ZFAND3: variants seen among roughly 807,000 people sequenced by gnomAD.
ZFAND3 encodes the protein AN1-type zinc finger protein 3.
In ZFAND3, 10 loss-of-function variants were observed where a neutral mutation model predicts 29.6. The ratio of observed to expected loss-of-function variants is 0.34; its 90% CI spans 0.21 to 0.57. The LOEUF (loss-of-function observed/expected upper bound fraction) is 0.57, where lower values mean the gene tolerates loss of function less well. Ranked by LOEUF, ZFAND3 falls within the 20% of genes least tolerant of loss-of-function variation. The probability of loss-of-function intolerance (pLI) is 0.86; values close to 1 mark genes in which losing one functional copy is unlikely to be tolerated. For synonymous variants in ZFAND3, 128 were observed against 112.6 expected (o/e 1.14, Z -0.87); for missense variants, 230 against 304.5 (o/e 0.76, Z 1.82).
chr6:38,144,186 T>TATATATATATATATATATATA (rs1766027816), intron 5 of ZFAND3, among the ~76,000 whole-genome samples: 2 of 19,694 alleles, frequency 1.0e-4, no homozygotes. Context: ...ATATATATAA[T>TATATATATATATATATATATA]ATATATATAT....
At chr6:38,140,223 G>C in intron 5 of ZFAND3, among the ~76,000 whole-genome samples, 1 of 152,180 alleles carries the variant, frequency 6.6e-6, no homozygotes, top group Non-Finnish European at 1.5e-5. Context: ...GGGGCAGAGA[G>C]ATAAATTTCA....
chr6:37,845,035 A>G (rs1204776338), intron 1 of ZFAND3, among the ~76,000 whole-genome samples: 1 of 151,976 alleles, frequency 6.6e-6, no homozygotes, highest in Non-Finnish European at 1.5e-5. Flanking sequence ...AAAAAAAAAA[A>G]AAAAGCAATT....
chr6:38,133,667 G>A (rs942866127), intron 5 of ZFAND3, among the ~76,000 whole-genome samples: 14 of 151,678 alleles, frequency 9.2e-5, no homozygotes, highest in Admixed American at 9.2e-4. Flanking sequence ...GGAGAATGGC[G>A]TGAACCCGGG....
At chr6:37,851,888 G>T (rs1764288070) in intron 1 of ZFAND3, among the ~76,000 whole-genome samples, 1 of 152,196 alleles carries the variant, frequency 6.6e-6, no homozygotes, top group Admixed American at 6.5e-5. Flanking sequence ...CTCAATTTCT[G>T]TTGTTGTTTT....
chr6:37,872,845 G>T (rs1056779466), intron 1 of ZFAND3, among the ~76,000 whole-genome samples: 5 of 152,172 alleles, frequency 3.3e-5, no homozygotes, highest in Admixed American at 3.3e-4. Flanking sequence ...ATTCTTTTAC[G>T]TGTCTTTTGG....
chr6:38,009,376 A>G (rs1379880606), intron 2 of ZFAND3, among the ~76,000 whole-genome samples: 11 of 152,058 alleles, frequency 7.2e-5, no homozygotes, highest in Admixed American at 7.2e-4. Flanking sequence ...TCTTCTTTCT[A>G]CTGACCAGCA....
Position 38,100,726 on chromosome 6 carries a change from T to C in ZFAND3, c.362-15846T>C, listed in dbSNP as rs1003270745. 4.6e-5 allele frequency among the ~76,000 whole-genome samples: 7 copies of C among 152,350 alleles called. No homozygotes were observed. In the South Asian group the frequency reaches 8.3e-4, roughly 18 times the overall value. On this transcript the variant is annotated intron_variant, in intron 4 of 5. Transcript: ENST00000287218. ...GGATAGCTGCTCTGGAATATAGTTATGGATTTTTCTTTTTTTAACATAATT... is the reference window on the plus strand; with the variant it reads ...GGATAGCTGCTCTGGAATATAGTTACGGATTTTTCTTTTTTTAACATAATT...
At chr6:38,045,057 T>TA (rs376389779) in intron 2 of ZFAND3, among the ~76,000 whole-genome samples, 8 of 99,356 alleles carry the variant, frequency 8.1e-5, no homozygotes, top group African/African-American at 2.8e-4. Flanking sequence ...GAAATTCTTT[T>TA]ATTTATTTAT....
chr6:37,905,765 G>A (rs1561929024), intron 1 of ZFAND3, among the ~76,000 whole-genome samples: 1 of 151,896 alleles, frequency 6.6e-6, no homozygotes, highest in Non-Finnish European at 1.5e-5. Context: ...ATTTCTCTTA[G>A]CCATGGTTTC....
chr6:38,039,424 C>T (rs935874114), intron 2 of ZFAND3, among the ~76,000 whole-genome samples: 11 of 152,130 alleles, frequency 7.2e-5, no homozygotes, highest in African/African-American at 2.7e-4. Context: ...CTTTTCTATA[C>T]ACATTTGTGT....
intron 2 of ZFAND3, among the ~76,000 whole-genome samples, chr6:38,021,496 T>C (rs567965081): frequency 1.3e-5 from 2 of 152,196 alleles, no homozygotes; most frequent in South Asian, 4.1e-4. Flanking sequence ...TTTCATTGAC[T>C]AGGGAAAGTA....
intron 2 of ZFAND3, among the ~76,000 whole-genome samples, chr6:38,027,678 C>T (rs544460486): frequency 1.3e-5 from 2 of 152,214 alleles, no homozygotes; most frequent in East Asian, 3.9e-4. Context: ...CTGGCTGCCT[C>T]GGTAGGTATA....
chr6:38,044,490 A>C (rs868670461), intron 2 of ZFAND3, among the ~76,000 whole-genome samples: 1 of 152,322 alleles, frequency 6.6e-6, no homozygotes, highest in East Asian at 1.9e-4. Context: ...CTAGAGCCAC[A>C]GTTCACTCTT....
intron 4 of ZFAND3, among the ~76,000 whole-genome samples, chr6:38,113,579 C>T (rs1765360234): frequency 6.6e-6 from 1 of 152,134 alleles, no homozygotes; most frequent in East Asian, 1.9e-4. Context: ...CTGCACAGGC[C>T]TCCTAACTTT....
At chr6:38,029,656 A>T (rs1379579548) in intron 2 of ZFAND3, among the ~76,000 whole-genome samples, 1 of 152,148 alleles carries the variant, frequency 6.6e-6, no homozygotes, top group African/African-American at 2.4e-5. Flanking sequence ...AATAGGCAAA[A>T]ATTTGGGTAC....
chr6:38,082,063 G>A (rs1236200121), intron 3 of ZFAND3, among the ~76,000 whole-genome samples: 1 of 151,680 alleles, frequency 6.6e-6, no homozygotes, highest in African/African-American at 2.4e-5. Context: ...CAAACTTGTG[G>A]GTAATTTCCT....
chr6:37,858,442 A>G (rs959490190), intron 1 of ZFAND3, among the ~76,000 whole-genome samples: 5 of 152,208 alleles, frequency 3.3e-5, no homozygotes, highest in African/African-American at 9.6e-5. Flanking sequence ...ATTGAAAACT[A>G]GCATTGGAGT....
At chr6:38,138,847 T>C (rs1390879366) in intron 5 of ZFAND3, among the ~76,000 whole-genome samples, 1 of 152,206 alleles carries the variant, frequency 6.6e-6, no homozygotes, top group South Asian at 2.1e-4. Flanking sequence ...ACAGTTGAGA[T>C]TCCTAGCATT....
intron 5 of ZFAND3, among the ~76,000 whole-genome samples, chr6:38,121,989 A>C (rs1765543368): frequency 6.6e-6 from 1 of 152,188 alleles, no homozygotes; most frequent in South Asian, 2.1e-4. Context: ...ATGATTTACT[A>C]ACTCTAGCAC....
Sources: gnomAD v4.1 joint callset for allele counts (sites outside exome capture counted in the v4.1 genomes callset) on GRCh38, gnomAD v4.1.1 for gene constraint, MANE v1.5 for transcripts, NCBI Gene and HGNC (gene_info 2026-07-23, HGNC 2026-07-21) for gene names.